The following OPCML variants were observed in gnomAD, a reference collection of about 807,000 sequenced individuals.
OPCML encodes opioid-binding protein/cell adhesion molecule.
In OPCML, 13 loss-of-function variants were observed where a neutral mutation model predicts 37.8. The observed-to-expected ratio is 0.34, with a 90% CI of 0.22 to 0.55. The LOEUF (loss-of-function observed/expected upper bound fraction) is 0.55, where lower values mean the gene tolerates loss of function less well. Among genes scored for constraint, OPCML ranks in the 20% least tolerant of loss-of-function variants. The pLI, the probability that OPCML is intolerant of heterozygous loss-of-function variation, is 0.91. For synonymous variants in OPCML, 176 were observed against 168.8 expected (o/e 1.04, Z -0.33); for missense variants, 341 against 435.6 (o/e 0.78, Z 1.93).
intron 1 of OPCML, among the ~76,000 whole-genome samples, chr11:133,278,579 AG>A (rs1434033211): frequency 2.0e-5 from 3 of 152,032 alleles, no homozygotes; most frequent in Non-Finnish European, 1.5e-5. Flanking sequence ...GGGAAGTGAG[AG>A]GGCATATATA....
At chr11:133,140,477 T>C (rs1225661828) in intron 1 of OPCML, among the ~76,000 whole-genome samples, 1 of 144,448 alleles carries the variant, frequency 6.9e-6, no homozygotes. Flanking sequence ...ATTGCACCAC[T>C]GCACTCCAGC....
intron 1 of OPCML, among the ~76,000 whole-genome samples, chr11:133,015,399 G>GGAAGGAAGGAAGGAAT (rs1947307160): frequency 2.0e-4 from 14 of 70,192 alleles, no homozygotes; most frequent in South Asian, 1.1e-3. Context: ...AAGGAATGAA[G>GGAAGGAAGGAAGGAAT]GAAGGAAGGA....
chr11:132,812,576 G>C (rs1033360546), intron 2 of OPCML, among the ~76,000 whole-genome samples: 3 of 152,162 alleles, frequency 2.0e-5, no homozygotes, highest in African/African-American at 4.8e-5. Flanking sequence ...TCAATAGCAT[G>C]ATGAAGCAGA....
chr11:133,254,847 G>A (rs1166267930), intron 1 of OPCML, among the ~76,000 whole-genome samples: 2 of 152,052 alleles, frequency 1.3e-5, no homozygotes, highest in Non-Finnish European at 2.9e-5. Flanking sequence ...CAGGTAGCAG[G>A]GGATCTTCAT....
At chr11:132,688,057 A>C (rs2135878180) in intron 2 of OPCML, among the ~76,000 whole-genome samples, 1 of 152,240 alleles carries the variant, frequency 6.6e-6, no homozygotes, top group Middle Eastern at 3.4e-3. Context: ...CGATTCTATC[A>C]CCTATTTCTT....
At chr11:132,508,237 A>G (rs2137163049) in intron 4 of OPCML, among the ~76,000 whole-genome samples, 1 of 152,350 alleles carries the variant, frequency 6.6e-6, no homozygotes, top group South Asian at 2.1e-4. Flanking sequence ...TGAGGCCAGA[A>G]TTACTGATAC....
intron 1 of OPCML, among the ~76,000 whole-genome samples, chr11:133,111,987 T>C (rs1425380176): frequency 6.6e-6 from 1 of 152,162 alleles, no homozygotes; most frequent in Non-Finnish European, 1.5e-5. Context: ...AAAATGTTGT[T>C]ATGGATCTAC....
At chr11:133,472,098 TGTCAAAAA>T (rs1305238871) in intron 1 of OPCML, among the ~76,000 whole-genome samples, 1 of 152,182 alleles carries the variant, frequency 6.6e-6, no homozygotes. Context: ...TTTTTTCTAC[TGTCAAAAA>T]GACAAGTGAA....
chr11:133,170,611 A>G (rs1950276081), intron 1 of OPCML, among the ~76,000 whole-genome samples: 1 of 152,214 alleles, frequency 6.6e-6, no homozygotes, highest in African/African-American at 2.4e-5. Flanking sequence ...AAATAAAAAT[A>G]CAAGGCAATC....
At chr11:132,426,496 G>T (rs532339759) in intron 7 of OPCML, among the ~76,000 whole-genome samples, 1 of 152,140 alleles carries the variant, frequency 6.6e-6, no homozygotes, top group South Asian at 2.1e-4. Flanking sequence ...CTGGAGCGCA[G>T]TGGCACGATC....
At chr11:133,477,180 T>C (rs1947259911) in intron 1 of OPCML, among the ~76,000 whole-genome samples, 1 of 152,196 alleles carries the variant, frequency 6.6e-6, no homozygotes, top group Non-Finnish European at 1.5e-5. Flanking sequence ...CACGTTTTTC[T>C]GTTCGCCCTC....
chr11:133,030,921 T>C (rs1477747672), intron 1 of OPCML, among the ~76,000 whole-genome samples: 2 of 152,118 alleles, frequency 1.3e-5, no homozygotes, highest in African/African-American at 4.8e-5. Flanking sequence ...TAACAATATA[T>C]ATTTAAAAGT....
chr11:132,571,930 T>C (rs1348731704), intron 3 of OPCML, among the ~76,000 whole-genome samples: 3 of 152,126 alleles, frequency 2.0e-5, no homozygotes, highest in Non-Finnish European at 2.9e-5. Context: ...CTCACAAATA[T>C]TTATTTTAAA....
chr11:133,273,901 A>C (rs1941920122), intron 1 of OPCML, among the ~76,000 whole-genome samples: 1 of 152,242 alleles, frequency 6.6e-6, no homozygotes, highest in African/African-American at 2.4e-5. Context: ...AGTGTGCATA[A>C]GTTTAATTAT....
chr11:132,710,142 G>A (rs896160001), intron 2 of OPCML, among the ~76,000 whole-genome samples: 8 of 152,146 alleles, frequency 5.3e-5, no homozygotes, highest in African/African-American at 1.9e-4. Context: ...AAAGACCTGG[G>A]CCACAAATAT....
intron 2 of OPCML, among the ~76,000 whole-genome samples, chr11:132,905,257 G>A (rs1232615335): frequency 8.6e-6 from 1 of 116,176 alleles, no homozygotes; most frequent in Admixed American, 1.0e-4. Flanking sequence ...TTTTGACAGA[G>A]TTTCACTCTT....
rs1374168593 is a variant in OPCML at position 133,205,093 on chromosome 11, A to G, written c.62-262083T>C. On this transcript the variant is annotated intron_variant, in intron 1 of 7. Coordinates refer to ENST00000524381, the MANE Select transcript of OPCML (RefSeq NM_001012393.5). This position sits in a 1 kb window ranked among gnomAD's most constrained non-coding sequence, Gnocchi z 4.8. ...CCAATTCTGTGATTAAATAATTGGAACTTTCTGTCCCACCCTCTTCTTCCT... is the reference window on the plus strand; with the variant it reads ...CCAATTCTGTGATTAAATAATTGGAGCTTTCTGTCCCACCCTCTTCTTCCT... Among the ~76,000 whole-genome samples, 1 of 151,730 alleles carries G rather than the reference A, an allele frequency of 6.6e-6. No homozygotes were observed. The highest frequency in any genetic ancestry group is 1.5e-5 in the Non-Finnish European group (1 of 67,926).
In OPCML at chr11:133,489,100, G is replaced by A. The variant is rs555121367; in HGVS notation, c.61+43164C>T. On this transcript the variant is annotated intron_variant, in intron 1 of 7. Coordinates refer to ENST00000524381, the MANE Select transcript of OPCML (RefSeq NM_001012393.5). ...CTCAAGATGGATTAAAGACCTAAAGGTAAGACCTGGAACTATAAAAATCCT... is the reference window on the plus strand; with the variant it reads ...CTCAAGATGGATTAAAGACCTAAAGATAAGACCTGGAACTATAAAAATCCT... Among the ~76,000 whole-genome samples, 20 of 151,948 alleles carry A rather than the reference G, an allele frequency of 1.3e-4. No homozygotes were observed. The East Asian group carries it at 3.7e-3, about 28-fold the overall frequency.
chr11:132,751,594 A>G (rs370708184), intron 2 of OPCML, among the ~76,000 whole-genome samples: 2 of 152,310 alleles, frequency 1.3e-5, no homozygotes, highest in African/African-American at 2.4e-5. Context: ...ATCTCATGTA[A>G]TCTTCACTCC....
Sources: gnomAD v4.1 joint callset for allele counts (sites outside exome capture counted in the v4.1 genomes callset) on GRCh38, gnomAD v4.1.1 for gene constraint, Gnocchi (gnomAD v3.1) non-coding constraint, MANE v1.5 for transcripts, NCBI Gene and HGNC (gene_info 2026-07-23, HGNC 2026-07-21) for gene names.